The following AMBP variants were observed in gnomAD, a reference collection of about 807,000 sequenced individuals.
AMBP encodes protein AMBP.
Under a neutral mutation model 46.3 loss-of-function variants are expected in AMBP, and 37 were observed. That is an observed-to-expected ratio of 0.80 (90% CI 0.61 to 1.05). The LOEUF (loss-of-function observed/expected upper bound fraction) is 1.05. Among genes scored for constraint, AMBP ranks in the 50% least tolerant of loss-of-function variants. The probability of loss-of-function intolerance (pLI) is 0.00; values close to 1 mark genes in which losing one functional copy is unlikely to be tolerated. For synonymous variants in AMBP, 174 were observed against 175.9 expected (o/e 0.99, Z 0.09); for missense variants, 475 against 461.2 (o/e 1.03, Z -0.27).
chr9:114,073,091 T>G (rs1846763224), intron 4 of AMBP, 65 bp from the exon 5 acceptor site: 3 of 1,439,522 alleles, frequency 2.1e-6, no homozygotes, highest in Non-Finnish European at 2.9e-6. Context: ...GGGCCTGAAA[T>G]GATTTTGCCC....
At chr9:114,069,968 C>A (rs921479999) in intron 5 of AMBP, 9 of 563,224 alleles carry the variant, frequency 1.6e-5, no homozygotes, top group Non-Finnish European at 2.8e-5. Flanking sequence ...CACCCCACCC[C>A]ACTAGCATCA....
intron 8 of AMBP, 74 bp from the exon 9 acceptor site, chr9:114,061,172 GC>G: frequency 6.5e-7 from 1 of 1,544,346 alleles, no homozygotes; most frequent in African/African-American, 1.4e-5. Context: ...AGACTGCTGA[GC>G]CAGAGGGCCC....
At chr9:114,071,329 G>A (rs1006697590) in intron 5 of AMBP, among the ~76,000 whole-genome samples, 1 of 152,258 alleles carries the variant, frequency 6.6e-6, no homozygotes, top group Non-Finnish European at 1.5e-5. Flanking sequence ...CCAGGGTGCT[G>A]TTGCAGCCTG....
intron 1 of AMBP, among the ~76,000 whole-genome samples, chr9:114,077,276 T>C (rs1314805869): frequency 6.6e-6 from 1 of 152,180 alleles, no homozygotes; most frequent in Non-Finnish European, 1.5e-5. Flanking sequence ...CCCCACACCC[T>C]TTGCGTCCCA....
intron 5 of AMBP, among the ~76,000 whole-genome samples, chr9:114,071,732 C>G (rs563715461): frequency 6.6e-6 from 1 of 152,316 alleles, no homozygotes; most frequent in African/African-American, 2.4e-5. Context: ...CAGACTCAGC[C>G]AGATTCGAAC....
In AMBP at chr9:114,060,204, A is replaced by G; in HGVS notation, c.*35T>C. The G allele has an allele frequency of 6.2e-7, 1 of 1,605,756 alleles. No homozygotes were observed. The highest frequency in any genetic ancestry group is 8.5e-7 in the Non-Finnish European group (1 of 1,175,126). On this transcript the variant is annotated 3_prime_UTR_variant, in exon 10 of 10. Transcript: ENST00000265132. The stretch of plus-strand genomic sequence containing the variant: ...CCTGCCACAGGACCCCGGGACAGAC[A>G]CTGGCCATCCTCTGACTTGCAGACC...
chr9:114,063,544 A>T (rs1243740878), intron 6 of AMBP, among the ~76,000 whole-genome samples: 1 of 152,206 alleles, frequency 6.6e-6, no homozygotes, highest in East Asian at 1.9e-4. Flanking sequence ...AAATCGTGGG[A>T]CAAGTTAAAT....
In AMBP at chr9:114,069,693, A is replaced by T; in HGVS notation, c.603+6T>A. On this transcript the variant is annotated splice_donor_region_variant and intron_variant, in intron 6 of 9. Transcript: ENST00000265132. ...GTGGGATGGGGTCGGGGGATGAGGCACTCACCGGGATTAAGATGGGCTCTG... is the reference window on the plus strand; with the variant it reads ...GTGGGATGGGGTCGGGGGATGAGGCTCTCACCGGGATTAAGATGGGCTCTG... The T allele has an allele frequency of 6.2e-7, 1 of 1,612,474 alleles. No individual in the cohort carries two copies. The highest frequency in any genetic ancestry group is 8.5e-7 in the Non-Finnish European group (1 of 1,179,680).
intron 7 of AMBP, 69 bp downstream of exon 7, chr9:114,062,608 G>A (rs780273606): frequency 2.0e-6 from 3 of 1,500,618 alleles, no homozygotes; most frequent in Admixed American, 3.4e-5. Flanking sequence ...GAGTAGCCAG[G>A]GTGAGCCAAC....
At chr9:114,072,579 G>A (rs1308772509) in intron 5 of AMBP, among the ~76,000 whole-genome samples, 3 of 152,244 alleles carry the variant, frequency 2.0e-5, no homozygotes, top group Non-Finnish European at 4.4e-5. Flanking sequence ...TTTCCAGCCA[G>A]AAAAGCAATG....
intron 5 of AMBP, among the ~76,000 whole-genome samples, chr9:114,070,444 C>T (rs1021574552): frequency 4.6e-5 from 7 of 152,226 alleles, no homozygotes; most frequent in East Asian, 3.8e-4. Flanking sequence ...ACCATCACTG[C>T]GGAGAGGTCA....
In AMBP at chr9:114,073,016, C is replaced by T. The variant is rs374279851; in HGVS notation, c.465G>A (p.Pro155=). ...TITAKLYGRA[P]QLRETLLQDF... ...CCTGCAGGAGAGTTTCCCTCAGCTG[C>T]GGCGCCCGCCCTGCAAGGAGGAAGC... The change falls in exon 5 of 10, where the codon CCG becomes CCA. Residue 155 remains proline, a synonymous_variant. Transcript: ENST00000265132. 36 of 1,613,182 alleles carry T rather than the reference C, an allele frequency of 2.2e-5. No individual in the cohort carries two copies. The highest frequency in any genetic ancestry group is 3.3e-4 in the Middle Eastern group (2 of 6,056).
At chr9:114,072,490 G>A (rs1846755489) in intron 5 of AMBP, among the ~76,000 whole-genome samples, 1 of 152,288 alleles carries the variant, frequency 6.6e-6, no homozygotes, top group South Asian at 2.1e-4. Context: ...AGCCAAGCAC[G>A]GTCTACCAGG....
chr9:114,071,772 G>A (rs906688000), intron 5 of AMBP, among the ~76,000 whole-genome samples: 2 of 152,168 alleles, frequency 1.3e-5, no homozygotes, highest in Non-Finnish European at 2.9e-5. Flanking sequence ...GGAGACAATG[G>A]GATGACTTGC....
At chr9:114,074,350 T>C (rs371191613) in intron 3 of AMBP, among the ~76,000 whole-genome samples, 198 bp from the exon 4 acceptor site, 15 of 152,318 alleles carry the variant, frequency 9.8e-5, no homozygotes, top group African/African-American at 3.6e-4. Context: ...TGTACTCACA[T>C]TAATTCATCC....
intron 6 of AMBP, among the ~76,000 whole-genome samples, chr9:114,063,094 C>G (rs1196193794): frequency 6.6e-6 from 1 of 151,952 alleles, no homozygotes; most frequent in Non-Finnish European, 1.5e-5. Flanking sequence ...CACCCTCACA[C>G]TAAAGATGTG....
At chr9:114,077,859 C>T (rs543551618) in intron 1 of AMBP, among the ~76,000 whole-genome samples, 2 of 152,346 alleles carry the variant, frequency 1.3e-5, no homozygotes, top group South Asian at 4.1e-4. Flanking sequence ...CAAGGGTTCC[C>T]CTTGGAGCCC....
chr9:114,062,923 T>C (rs941634918), intron 6 of AMBP, among the ~76,000 whole-genome samples, 165 bp from the exon 7 acceptor site: 6 of 152,162 alleles, frequency 3.9e-5, no homozygotes, highest in African/African-American at 1.4e-4. Context: ...AGTGTCAACC[T>C]GAATTCCTGA....
chr9:114,062,533 A>T, intron 7 of AMBP, 144 bp downstream of exon 7: 1 of 776,622 alleles, frequency 1.3e-6, no homozygotes, highest in Non-Finnish European at 2.2e-6. Context: ...AGTGCAGAGT[A>T]CTTGATTTGC....
Sources: allele counts gnomAD v4.1 joint callset (sites outside exome capture counted in the v4.1 genomes callset), GRCh38; gene constraint gnomAD v4.1.1; transcripts MANE v1.5; gene names NCBI Gene and HGNC (gene_info 2026-07-23, HGNC 2026-07-21).